C11orf65: variants seen among roughly 807,000 people sequenced by gnomAD.
The protein encoded by C11orf65 is protein MFI.
A neutral mutation model predicts 35.3 loss-of-function variants in C11orf65; 38 were observed. That is an observed-to-expected ratio of 1.08 (90% confidence interval 0.83 to 1.41). The LOEUF (loss-of-function observed/expected upper bound fraction) is 1.41, where lower values mean the gene tolerates loss of function less well. Among genes scored for constraint, C11orf65 ranks in the 40% most tolerant of loss-of-function variants. The pLI, the probability that C11orf65 is intolerant of heterozygous loss-of-function variation, is 0.00. For missense variants in C11orf65, 370 were observed against 367.1 expected, an observed-to-expected ratio of 1.01 and a Z score of -0.06; for synonymous variants, 105 against 114.4, an observed-to-expected ratio of 0.92 and a Z score of 0.53.
At chr11:108,446,016 G>A (rs1362750684) in intron 2 of C11orf65, among the ~76,000 whole-genome samples, 1 of 152,078 alleles carries the variant, frequency 6.6e-6, no homozygotes, top group Non-Finnish European at 1.5e-5. Context: ...TGGAAGAAAG[G>A]GTATCAGTGA....
intron 2 of C11orf65, among the ~76,000 whole-genome samples, chr11:108,357,815 C>G (rs1444097355): frequency 6.6e-6 from 1 of 151,710 alleles, no homozygotes; most frequent in African/African-American, 2.4e-5. Flanking sequence ...CATCAAAGAC[C>G]AAAAGTAGAT....
chr11:108,418,412 C>A (rs971211853), intron 3 of C11orf65, among the ~76,000 whole-genome samples: 16 of 151,910 alleles, frequency 1.1e-4, no homozygotes, highest in African/African-American at 3.6e-4. Context: ...GGCTAATTTC[C>A]AAATTAAATA....
intron 2 of C11orf65, among the ~76,000 whole-genome samples, chr11:108,438,570 A>C (rs1161981745): frequency 6.6e-6 from 1 of 151,906 alleles, no homozygotes; most frequent in Non-Finnish European, 1.5e-5. Context: ...AAAATCAAAG[A>C]TCCAAATATA....
downstream of C11orf65, among the ~76,000 whole-genome samples, chr11:108,328,332 T>G (rs977383483): frequency 1.1e-4 from 16 of 152,146 alleles, no homozygotes; most frequent in Non-Finnish European, 1.5e-5. Flanking sequence ...CTGCAACCTC[T>G]GCCTCCTGGG....
chr11:108,427,545 C>A (rs560978513), intron 3 of C11orf65, among the ~76,000 whole-genome samples: 1 of 150,496 alleles, frequency 6.6e-6, no homozygotes, highest in East Asian at 2.0e-4. Context: ...CGGTGAAACC[C>A]CGTCTCTACT....
intron 6 of C11orf65, among the ~76,000 whole-genome samples, chr11:108,397,318 CAAAA>C (rs375819570): frequency 1.1e-5 from 1 of 87,198 alleles, no homozygotes; most frequent in Admixed American, 1.3e-4. Context: ...GACTCTTTCT[CAAAA>C]AAAAAAAAAA....
chr11:108,396,685 T>A (rs1591459802), intron 6 of C11orf65, among the ~76,000 whole-genome samples: 1 of 142,428 alleles, frequency 7.0e-6, no homozygotes, highest in Non-Finnish European at 1.6e-5. Context: ...CAAAAAAAAA[T>A]TAGCTGGGCG....
At chr11:108,423,071 G>A (rs1046755232) in intron 3 of C11orf65, among the ~76,000 whole-genome samples, 4 of 152,082 alleles carry the variant, frequency 2.6e-5, no homozygotes, top group South Asian at 2.1e-4. Flanking sequence ...TATGCTTTTC[G>A]CACGATCTTC....
rs537826548 is a variant in C11orf65, at chr11:108,422,054, C to T, written c.174+9692G>A. 2.1e-3 allele frequency among the ~76,000 whole-genome samples: 320 copies of T among 152,236 alleles called. 1 individual carries two copies. Among genetic ancestry groups the T allele is most frequent in the African/African-American group, 7.1e-3 (296 of 41,560 alleles). ...CCAAGCGATTCTCCTGTCAACCTCC[C>T]GAGTAGCTGGGACTACAGGCGCATG... On this transcript the variant is annotated intron_variant, in intron 3 of 8. Coordinates refer to ENST00000393084, the MANE Select transcript of C11orf65 (RefSeq NM_152587.5).
At chr11:108,331,389 T>C, downstream of C11orf65, 1 of 1,583,654 alleles carries the variant, frequency 6.3e-7, no homozygotes, top group Non-Finnish European at 8.6e-7. Context: ...TGCTTAGATG[T>C]GAGAATATTT....
intron 2 of C11orf65, chr11:108,345,916 T>G (rs1412872138): frequency 6.2e-7 from 1 of 1,613,524 alleles, no homozygotes; most frequent in East Asian, 2.2e-5. Flanking sequence ...TTGGTAATCT[T>G]CTTGTACATA....
chr11:108,319,036 G>A (rs145738879), intron 6 of C11orf65, among the ~76,000 whole-genome samples: 1 of 152,034 alleles, frequency 6.6e-6, no homozygotes, highest in Non-Finnish European at 1.5e-5. Flanking sequence ...AGTTAGCTGG[G>A]CAAGGTAGCA....
intron 2 of C11orf65, among the ~76,000 whole-genome samples, chr11:108,373,594 C>T (rs1183322412): frequency 1.3e-5 from 2 of 152,202 alleles, no homozygotes; most frequent in Non-Finnish European, 2.9e-5. Flanking sequence ...CCAGTGTGAG[C>T]GACGCAGAAG....
intron 3 of C11orf65, among the ~76,000 whole-genome samples, chr11:108,416,331 C>T (rs1195811416): frequency 6.6e-6 from 1 of 152,110 alleles, no homozygotes; most frequent in Admixed American, 6.6e-5. Context: ...ACAGACGATA[C>T]ATAAGCATAT....
At chr11:108,358,684 C>G (rs1384895230) in intron 2 of C11orf65, among the ~76,000 whole-genome samples, 1 of 149,198 alleles carries the variant, frequency 6.7e-6, no homozygotes, top group Non-Finnish European at 1.5e-5. Flanking sequence ...AATTTCATAT[C>G]CAGCCAAACT....
In C11orf65 at chr11:108,321,324, G is replaced by A. The variant is rs1591107053; in HGVS notation, c.641-12253C>T. Reference sequence around the variant, plus strand: ...AGAGTAAAAGAAGTGGAAGAGATGTGTAAGCGCAGCCTTGAGTCTGTGTAT... The same window carrying A: ...AGAGTAAAAGAAGTGGAAGAGATGTATAAGCGCAGCCTTGAGTCTGTGTAT... On this transcript the variant is annotated intron_variant, in intron 6 of 6. Transcript: ENST00000525729. The A allele has an allele frequency of 3.1e-6, 5 of 1,614,148 alleles. No homozygotes were observed. Among genetic ancestry groups the A allele is most frequent in the African/African-American group, 1.3e-5 (1 of 75,052 alleles).
intron 6 of C11orf65, chr11:108,320,178 G>A (rs2085100341): frequency 1.3e-6 from 1 of 762,524 alleles, no homozygotes; most frequent in Non-Finnish European, 2.2e-6. Flanking sequence ...AAGACTTGGT[G>A]GCTGTGATCA....
intron 6 of C11orf65, among the ~76,000 whole-genome samples, chr11:108,315,169 A>G (rs2084510667): frequency 6.6e-6 from 1 of 152,224 alleles, no homozygotes; most frequent in Non-Finnish European, 1.5e-5. Flanking sequence ...TGTGGAAATT[A>G]TTAGTGTCAC....
At position 108,467,518 on chromosome 11, in the gene C11orf65, G is replaced by A. The variant is rs1232528714; in HGVS notation, c.-57C>T. 1 of 152,294 alleles carries A rather than the reference G, an allele frequency of 6.6e-6. No individual in the cohort carries two copies. The highest frequency in any genetic ancestry group is 6.6e-5 in the Admixed American group (1 of 15,252). The allele number at this position is 152,294 out of a possible 1,614,324, so 9.4% of individuals were successfully genotyped here. A position where few individuals can be genotyped will look rare whatever the true frequency, so the allele number is the denominator to read the frequency against. Reference sequence around the variant, plus strand: ...CGCTGGACTCCTAGGTAACGTCGCAGGCGGAAATGACGTAACTCAATCCGT... The same window carrying A: ...CGCTGGACTCCTAGGTAACGTCGCAAGCGGAAATGACGTAACTCAATCCGT... On this transcript the variant is annotated 5_prime_UTR_variant, in exon 1 of 9. Transcript: ENST00000393084.
Sources: gnomAD v4.1 joint callset for allele counts (sites outside exome capture counted in the v4.1 genomes callset) on GRCh38, gnomAD v4.1.1 for gene constraint, MANE v1.5 for transcripts, NCBI Gene and HGNC (gene_info 2026-07-23, HGNC 2026-07-21) for gene names.